The following BRWD3 variants were observed in gnomAD, a reference collection of about 807,000 sequenced individuals.
BRWD3 encodes bromodomain and WD repeat-containing protein 3.
Under a neutral mutation model 149.7 loss-of-function variants are expected in BRWD3, and 10 were observed. The observed-to-expected ratio is 0.07, with a 90% CI of 0.04 to 0.11. BRWD3 has a LOEUF of 0.11. BRWD3 is among the 10% of genes least tolerant of loss of function. The pLI is 1.00. For synonymous variants in BRWD3, 504 were observed against 456.7 expected (o/e 1.10, Z -1.32); for missense variants, 940 against 1,373.2 (o/e 0.68, Z 4.99).
chrX:80,746,574 C>T (rs908119802), intron 6 of BRWD3, among the ~76,000 whole-genome samples: 6 of 111,428 alleles, frequency 5.4e-5, no homozygotes, highest in African/African-American at 1.6e-4. Context: ...CTTCATCTTC[C>T]CTTATACACT....
intron 6 of BRWD3, among the ~76,000 whole-genome samples, chrX:80,762,969 C>T (rs1033131787): frequency 9.1e-5 from 10 of 109,546 alleles, no homozygotes; most frequent in Non-Finnish European, 1.3e-4. Flanking sequence ...ATTAGCCTGG[C>T]GACTCTAAGG....
chrX:80,676,341 G>C lies in BRWD3; in HGVS notation c.*268C>G, dbSNP rs5913312. On this transcript the variant is annotated 3_prime_UTR_variant, in exon 41 of 41. Transcript: ENST00000373275. ...TGTCTGTGTTGTGTTTCGTGTGTGTGTGTCTGTGTGTGTGTATGTGTGTGT... is the reference window on the plus strand; with the variant it reads ...TGTCTGTGTTGTGTTTCGTGTGTGTCTGTCTGTGTGTGTGTATGTGTGTGT... 4 of 324,584 alleles carry C rather than the reference G, an allele frequency of 1.2e-5. No homozygotes were observed. Among genetic ancestry groups the C allele is most frequent in the Admixed American group, 5.3e-5 (1 of 18,807 alleles). 26.7% of individuals were successfully genotyped at this position (324,584 alleles called of 1,213,427 possible).
chrX:80,712,887 G>T (rs1454531482), intron 20 of BRWD3, among the ~76,000 whole-genome samples: 4 of 94,194 alleles, frequency 4.2e-5, no homozygotes, highest in African/African-American at 1.4e-4. Flanking sequence ...TGCCCCGTCT[G>T]AGAAGTGAGG....
At chrX:80,788,121 TAAATAAATAAATAAAG>T (rs1248839751) in intron 6 of BRWD3, among the ~76,000 whole-genome samples, 2 of 46,729 alleles carry the variant, frequency 4.3e-5, no homozygotes, top group Non-Finnish European at 1.1e-4. Flanking sequence ...AATAAATAAA[TAAATAAATAAATAAAG>T]ACACTGGTAA....
At chrX:80,695,855 G>A (rs1465998394) in intron 27 of BRWD3, 53 bp downstream of exon 27, 3 of 1,006,223 alleles carry the variant, frequency 3.0e-6, no homozygotes, top group Non-Finnish European at 4.2e-6. Flanking sequence ...CAGTTAAAAA[G>A]TTACTTACTG....
chrX:80,804,300 C>A (rs867529051), intron 4 of BRWD3, among the ~76,000 whole-genome samples: 1 of 107,647 alleles, frequency 9.3e-6, no homozygotes, highest in Non-Finnish European at 1.9e-5. Context: ...TGCAGTGGTG[C>A]GATTCCAGCT....
At chrX:80,801,212 A>AACTT (rs1487012369) in intron 4 of BRWD3, among the ~76,000 whole-genome samples, 2 of 79,869 alleles carry the variant, frequency 2.5e-5, no homozygotes. Flanking sequence ...ATGAGAAAAC[A>AACTT]TCTTTTTTTT....
In BRWD3 at chrX:80,671,252, A is replaced by C. The variant is rs1190525268; in HGVS notation, c.*5357T>G. The C allele has an allele frequency of 8.9e-6, 1 of 112,382 alleles. No homozygotes were observed. Among genetic ancestry groups the C allele is most frequent in the African/African-American group, 3.2e-5 (1 of 30,946 alleles). The allele number at this position is 112,382 out of a possible 1,213,427, so 9.3% of individuals were successfully genotyped here. On this transcript the variant is annotated 3_prime_UTR_variant, in exon 41 of 41. Coordinates refer to ENST00000373275, the MANE Select transcript of BRWD3 (RefSeq NM_153252.5). Reference sequence around the variant, plus strand: ...CAGGCTGTTATTGAATGCACCAAGCAGCCCACATTTAAAGTGTAAACATCA... The same window carrying C: ...CAGGCTGTTATTGAATGCACCAAGCCGCCCACATTTAAAGTGTAAACATCA...
chrX:80,701,480 T>C (rs1413297215), intron 24 of BRWD3, among the ~76,000 whole-genome samples: 3 of 88,424 alleles, frequency 3.4e-5, no homozygotes, highest in African/African-American at 1.4e-4. Flanking sequence ...ACCCAGGAGG[T>C]AGAGGTTGCA....
chrX:80,721,766 T>A (rs1251758140), intron 17 of BRWD3, among the ~76,000 whole-genome samples: 2 of 111,899 alleles, frequency 1.8e-5, no homozygotes, highest in Admixed American at 9.5e-5. Context: ...AATAGTCACA[T>A]CCTCTTACCC....
At chrX:80,721,153 ATT>A (rs1302365937) in intron 17 of BRWD3, among the ~76,000 whole-genome samples, 1 of 112,282 alleles carries the variant, frequency 8.9e-6, no homozygotes, top group Non-Finnish European at 1.9e-5. Context: ...CTTAATGATT[ATT>A]TCTGAATGAA....
At chrX:80,744,957 TATAAAA>T (rs1321944680) in intron 7 of BRWD3, among the ~76,000 whole-genome samples, 2 of 111,650 alleles carry the variant, frequency 1.8e-5, no homozygotes, top group African/African-American at 6.5e-5. Context: ...AGCATACAAA[TATAAAA>T]ATAAAATTAT....
chrX:80,782,407 A>G (rs1217820753), intron 6 of BRWD3, among the ~76,000 whole-genome samples: 3 of 111,189 alleles, frequency 2.7e-5, no homozygotes, highest in Non-Finnish European at 5.7e-5. Context: ...TGAAACCACT[A>G]AAAGAAAACA....
chrX:80,735,558 C>T (rs974499355), intron 9 of BRWD3, among the ~76,000 whole-genome samples: 10 of 111,165 alleles, frequency 9.0e-5, no homozygotes, highest in Non-Finnish European at 1.5e-4. Context: ...CAGTGGCTCA[C>T]GCCTGTAATC....
chrX:80,756,415 T>A (rs1001952212), intron 6 of BRWD3, among the ~76,000 whole-genome samples: 1 of 102,710 alleles, frequency 9.7e-6, no homozygotes, highest in Admixed American at 1.1e-4. Flanking sequence ...GGCAGGAGAA[T>A]TGCTTGAACC....
rs1159806725 is a variant in BRWD3, at chrX:80,675,205, TG to T, written c.*1403del. On this transcript the variant is annotated 3_prime_UTR_variant, in exon 41 of 41. Coordinates refer to ENST00000373275, the MANE Select transcript of BRWD3 (RefSeq NM_153252.5). ...ACAAGACAATAAGGGTTTTTAAAGA[TG>T]TTTTTTATCTATAAAATAATGATTC... 6 of 111,923 alleles carry T rather than the reference TG, an allele frequency of 5.4e-5. No individual in the cohort carries two copies. The highest frequency in any genetic ancestry group is 9.4e-5 in the Non-Finnish European group (5 of 53,132). The allele number at this position is 111,923 out of a possible 1,213,427, so 9.2% of individuals were successfully genotyped here. A position where few individuals can be genotyped will look rare whatever the true frequency, so the allele number is the denominator to read the frequency against.
chrX:80,800,662 TTC>T (rs1012691421), intron 4 of BRWD3, among the ~76,000 whole-genome samples: 6 of 111,097 alleles, frequency 5.4e-5, no homozygotes, highest in African/African-American at 2.0e-4. Flanking sequence ...TAACTGGGTT[TTC>T]TCTTTTTGAT....
chrX:80,782,617 G>A (rs745460017), intron 6 of BRWD3, among the ~76,000 whole-genome samples: 1 of 111,861 alleles, frequency 8.9e-6, no homozygotes, highest in Non-Finnish European at 1.9e-5. Context: ...CCAGAATATA[G>A]CCAGGCACAG....
intron 4 of BRWD3, among the ~76,000 whole-genome samples, chrX:80,803,671 A>G (rs1358434044): frequency 8.9e-6 from 1 of 112,183 alleles, no homozygotes; most frequent in Non-Finnish European, 1.9e-5. Context: ...ACTGGGGTTG[A>G]GCAGAGCATG....
Sources: allele counts gnomAD v4.1 joint callset (sites outside exome capture counted in the v4.1 genomes callset), GRCh38; gene constraint gnomAD v4.1.1; transcripts MANE v1.5; gene names NCBI Gene and HGNC (gene_info 2026-07-23, HGNC 2026-07-21).